CHCHD3: variants seen among roughly 807,000 people sequenced by gnomAD.
CHCHD3 encodes MICOS complex subunit MIC19.
In CHCHD3, 20 loss-of-function variants were observed where a neutral mutation model predicts 38.2. The observed-to-expected ratio is 0.52, with a 90% CI of 0.37 to 0.76. The LOEUF is 0.76. Ranked by LOEUF, CHCHD3 falls within the 30% of genes least tolerant of loss-of-function variation. The pLI is 0.00. For synonymous variants in CHCHD3, 82 were observed against 100.0 expected (o/e 0.82, Z 1.07); for missense variants, 245 against 279.2 (o/e 0.88, Z 0.87).
At chr7:132,891,564 T>C (rs1217861387) in intron 4 of CHCHD3, among the ~76,000 whole-genome samples, 1 of 152,232 alleles carries the variant, frequency 6.6e-6, no homozygotes, top group African/African-American at 2.4e-5. Flanking sequence ...GCTTGTTTTG[T>C]CTTCCCCTTC....
At chr7:132,822,972 G>A (rs1807423548) in intron 6 of CHCHD3, among the ~76,000 whole-genome samples, 1 of 152,218 alleles carries the variant, frequency 6.6e-6, no homozygotes, top group African/African-American at 2.4e-5. Flanking sequence ...TTGAATTTAT[G>A]TGTTGACCCA....
chr7:132,832,986 A>G (rs1210263804), intron 6 of CHCHD3, among the ~76,000 whole-genome samples: 1 of 152,232 alleles, frequency 6.6e-6, no homozygotes, highest in Non-Finnish European at 1.5e-5. Context: ...TTAAAAACAA[A>G]TACAGAGATT....
chr7:132,915,355 A>C (rs1256115517), intron 4 of CHCHD3, among the ~76,000 whole-genome samples: 2 of 152,142 alleles, frequency 1.3e-5, no homozygotes, highest in Non-Finnish European at 2.9e-5. Flanking sequence ...GCCGGGAACC[A>C]TAAGAAAGTT....
At chr7:132,980,287 T>C (rs1811886001) in intron 3 of CHCHD3, among the ~76,000 whole-genome samples, 1 of 152,208 alleles carries the variant, frequency 6.6e-6, no homozygotes, top group Non-Finnish European at 1.5e-5. Flanking sequence ...AATAAGTCTC[T>C]CATTATTAAC....
At chr7:132,952,907 T>C (rs892701784) in intron 4 of CHCHD3, among the ~76,000 whole-genome samples, 1 of 152,226 alleles carries the variant, frequency 6.6e-6, no homozygotes, top group Admixed American at 6.5e-5. Context: ...TAAAGAGGTC[T>C]CTCACAGCCA....
At chr7:132,999,179 G>T (rs1812500350) in intron 3 of CHCHD3, among the ~76,000 whole-genome samples, 1 of 152,110 alleles carries the variant, frequency 6.6e-6, no homozygotes, top group Non-Finnish European at 1.5e-5. Context: ...TGCATTTCCA[G>T]TTCGCAATGG....
At chr7:132,902,708 A>G (rs1399840785) in intron 4 of CHCHD3, among the ~76,000 whole-genome samples, 1 of 152,150 alleles carries the variant, frequency 6.6e-6, no homozygotes, top group African/African-American at 2.4e-5. Context: ...TAGGAGAAAT[A>G]CCTAATGTAA....
chr7:133,069,676 C>T (rs539826793), intron 2 of CHCHD3, among the ~76,000 whole-genome samples: 1 of 152,288 alleles, frequency 6.6e-6, no homozygotes, highest in Admixed American at 6.5e-5. Flanking sequence ...TTATTTACCA[C>T]CACATTTCCA....
At chr7:133,028,062 C>T (rs925736032) in intron 2 of CHCHD3, among the ~76,000 whole-genome samples, 1 of 152,114 alleles carries the variant, frequency 6.6e-6, no homozygotes, top group African/African-American at 2.4e-5. Flanking sequence ...CAACCTGACA[C>T]TAAAATTTTT....
chr7:132,821,250 T>C (rs1206509940), intron 6 of CHCHD3, among the ~76,000 whole-genome samples: 19 of 152,186 alleles, frequency 1.2e-4, no homozygotes, highest in Non-Finnish European at 8.8e-5. Flanking sequence ...GCTTAGGATA[T>C]GCTAAAAACA....
At chr7:133,031,499 ATT>A (rs141324619) in intron 2 of CHCHD3, among the ~76,000 whole-genome samples, 1 of 149,024 alleles carries the variant, frequency 6.7e-6, no homozygotes, top group African/African-American at 2.5e-5. Context: ...CTTTTACTTC[ATT>A]TTTTTTTTGC....
At chr7:132,916,561 AG>A (rs1810111727) in intron 4 of CHCHD3, among the ~76,000 whole-genome samples, 1 of 152,188 alleles carries the variant, frequency 6.6e-6, no homozygotes, top group African/African-American at 2.4e-5. Flanking sequence ...ATTTATTATT[AG>A]TTATTGCTAT....
At chr7:132,938,330 G>C (rs191702562) in intron 4 of CHCHD3, among the ~76,000 whole-genome samples, 2 of 152,248 alleles carry the variant, frequency 1.3e-5, no homozygotes, top group African/African-American at 4.8e-5. Flanking sequence ...AGGCAAATGA[G>C]AATAAGGATT....
intron 5 of CHCHD3, among the ~76,000 whole-genome samples, chr7:132,860,472 C>T (rs1466273029): frequency 6.6e-6 from 1 of 152,186 alleles, no homozygotes; most frequent in Non-Finnish European, 1.5e-5. Flanking sequence ...CTTTCTTACA[C>T]CATCTTATAT....
intron 4 of CHCHD3, 49 bp from the exon 5 acceptor site, chr7:132,885,794 G>A (rs145011493): frequency 7.4e-6 from 10 of 1,360,264 alleles, no homozygotes; most frequent in Non-Finnish European, 9.1e-6. Context: ...AGCAGCAACA[G>A]CAAAGCAAAA....
At chr7:132,978,649 T>C (rs981744155) in intron 3 of CHCHD3, among the ~76,000 whole-genome samples, 1 of 152,056 alleles carries the variant, frequency 6.6e-6, no homozygotes, top group Non-Finnish European at 1.5e-5. Flanking sequence ...CGAGACAAAC[T>C]GTATCCTCCA....
At chr7:132,962,531 T>C (rs950518245) in intron 4 of CHCHD3, among the ~76,000 whole-genome samples, 1 of 152,212 alleles carries the variant, frequency 6.6e-6, no homozygotes, top group Non-Finnish European at 1.5e-5. Context: ...CTATTTCAGA[T>C]GAAATTATTG....
In CHCHD3 at chr7:132,919,921, G is replaced by T. The variant is rs189668993; in HGVS notation, c.370-34176C>A. Among the ~76,000 whole-genome samples, 35 of 152,252 alleles carry T rather than the reference G, an allele frequency of 2.3e-4. 1 individual carries two copies. The highest frequency in any genetic ancestry group is 2.1e-3 in the Admixed American group (32 of 15,292). The stretch of plus-strand genomic sequence containing the variant: ...ATAATAAAGTGCTGAAGATTCCCAT[G>T]GATTTACATGTTACACAATTCAAGG... On this transcript the variant is annotated intron_variant, in intron 4 of 7. Coordinates refer to ENST00000262570, the MANE Select transcript of CHCHD3 (RefSeq NM_017812.4).
chr7:132,906,775 C>T (rs995425741), intron 4 of CHCHD3, among the ~76,000 whole-genome samples: 1 of 152,196 alleles, frequency 6.6e-6, no homozygotes, highest in Non-Finnish European at 1.5e-5. Flanking sequence ...CCTCCTGTAG[C>T]TTTCTGTCAC....
Sources: allele counts gnomAD v4.1 joint callset (sites outside exome capture counted in the v4.1 genomes callset), GRCh38; gene constraint gnomAD v4.1.1; transcripts MANE v1.5; gene names NCBI Gene and HGNC (gene_info 2026-07-23, HGNC 2026-07-21).